The following NAA25 variants were observed in gnomAD, a reference collection of about 807,000 sequenced individuals.
NAA25 encodes N-terminal acetyltransferase B complex subunit NAA25.
In NAA25, 30 loss-of-function variants were observed where a neutral mutation model predicts 132.5. The observed-to-expected ratio is 0.23, with a 90% CI of 0.17 to 0.31. NAA25 has a LOEUF of 0.31. NAA25 is among the 10% of genes least tolerant of loss of function. NAA25 has a pLI of 1.00. For missense variants in NAA25, 771 were observed against 1,150.4 expected (o/e 0.67, Z 4.77); for synonymous variants, 359 against 401.9 (o/e 0.89, Z 1.28).
chr12:112,030,940 TA>T (rs145777382), intron 23 of NAA25, among the ~76,000 whole-genome samples: 1 of 143,868 alleles, frequency 7.0e-6, no homozygotes, highest in African/African-American at 2.8e-5. Context: ...AAACTGAATT[TA>T]AAATTTTTTT....
chr12:112,072,405 C>A (rs1401311237), intron 9 of NAA25, among the ~76,000 whole-genome samples: 2 of 150,658 alleles, frequency 1.3e-5, no homozygotes, highest in African/African-American at 2.4e-5. Context: ...GTCAGGAGTT[C>A]GAGACCAGCC....
At chr12:112,074,792 G>A (rs375703160) in intron 8 of NAA25, 28 bp from the exon 9 acceptor site, 143 of 1,418,166 alleles carry the variant, frequency 1.0e-4, no homozygotes, top group Non-Finnish European at 1.1e-4. Context: ...GATGCACACA[G>A]GATTAAACCC....
At chr12:112,085,826 T>C (rs972339915) in intron 4 of NAA25, among the ~76,000 whole-genome samples, 3 of 150,458 alleles carry the variant, frequency 2.0e-5, no homozygotes, top group Non-Finnish European at 4.4e-5. Context: ...GAGACCAGCC[T>C]GGCCAACATG....
chr12:112,043,151 G>T lies in NAA25; in HGVS notation c.2311C>A (p.Gln771Lys). 6.2e-7 allele frequency: 1 copy of T among 1,613,356 alleles called. No individual in the cohort carries two copies. The highest frequency in any genetic ancestry group is 8.5e-7 in the Non-Finnish European group (1 of 1,179,522). ...AGATAAAAAGAGCTTATCTGGCACT[G>T]AGAACAGCCAGAATTAAAGAATCCA... ...MGGFFNSGCS[Q>K]CQISSFYLVN... The change falls in exon 19 of 24, where the codon CAG becomes AAG. Residue 771 changes from glutamine to lysine, a missense_variant. By Grantham distance (53) the Gln-to-Lys change is moderately conservative (BLOSUM62 1). This residue lies in a region of NAA25 where 324 missense variants were observed against 400.0 expected (regional missense o/e 0.81). Transcript: ENST00000261745.
chr12:112,039,123 T>C (rs1251046038), intron 22 of NAA25, 106 bp downstream of exon 22: 1 of 566,236 alleles, frequency 1.8e-6, no homozygotes, highest in Non-Finnish European at 3.0e-6. Flanking sequence ...TTGGAGAAGC[T>C]TGGCATATAG....
chr12:112,062,623 G>A (rs950040300), intron 11 of NAA25, among the ~76,000 whole-genome samples: 3 of 150,320 alleles, frequency 2.0e-5, no homozygotes, highest in Admixed American at 2.0e-4. Context: ...CTACTCAGGA[G>A]GGTGAGGCAG....
chr12:112,052,959 C>T (rs2078488947), intron 15 of NAA25, among the ~76,000 whole-genome samples: 2 of 152,192 alleles, frequency 1.3e-5, no homozygotes, highest in South Asian at 2.1e-4. Flanking sequence ...ACAAAAACCT[C>T]GGCTTAACCA....
intron 21 of NAA25, 148 bp from the exon 22 acceptor site, chr12:112,039,487 GCAAT>G (rs2078272321): frequency 1.8e-6 from 1 of 553,512 alleles, no homozygotes; most frequent in Non-Finnish European, 3.2e-6. Context: ...TCTACTTTCT[GCAAT>G]CACTCTACTG....
In NAA25 at chr12:112,027,255, C is replaced by T. The variant is rs557331064; in HGVS notation, c.*2276G>A. ...CAATGGGTTATTTGGGAATTCTCTT[C>T]AAATACCAATGGCATACGATTGCTG... On this transcript the variant is annotated 3_prime_UTR_variant, in exon 24 of 24. Transcript: ENST00000261745. The T allele has an allele frequency of 1.2e-4, 18 of 152,234 alleles. No individual in the cohort carries two copies. The highest frequency in any genetic ancestry group is 2.4e-4 in the Non-Finnish European group (16 of 67,958). The allele number at this position is 152,234 out of a possible 1,614,324, so 9.4% of individuals were successfully genotyped here.
At chr12:112,108,523 A>G (rs1020365197) in intron 1 of NAA25, among the ~76,000 whole-genome samples, 193 bp downstream of exon 1, 4 of 151,636 alleles carry the variant, frequency 2.6e-5, no homozygotes, top group Non-Finnish European at 5.9e-5. Flanking sequence ...CGCCACTACC[A>G]CCCCAAGGCT....
At chr12:112,073,693 G>A (rs781062104) in intron 9 of NAA25, among the ~76,000 whole-genome samples, 2 of 151,940 alleles carry the variant, frequency 1.3e-5, no homozygotes, top group Admixed American at 1.3e-4. Context: ...TCCACCTCCC[G>A]AAGTGCTGGG....
chr12:112,044,099 T>C (rs1282092591), intron 17 of NAA25, among the ~76,000 whole-genome samples: 1 of 151,682 alleles, frequency 6.6e-6, no homozygotes, highest in African/African-American at 2.4e-5. Context: ...GGCTAATTTT[T>C]TTTTTGTATT....
rs926616855 is a variant in NAA25 at position 112,049,535 on chromosome 12, G to A, written c.1729-1092C>T. On this transcript the variant is annotated intron_variant, in intron 15 of 23. Transcript: ENST00000261745. The surrounding 1 kb of genome is among the most constrained non-coding windows in gnomAD (Gnocchi z 4.7). ...ATTTCAGGCCGCGGGATTGCGCCAC[G>A]GGCGCTAATTCAACTGCATTCGATG... 8.1e-6 allele frequency: 8 copies of A among 985,734 alleles called. No homozygotes were observed. In the Admixed American group the frequency reaches 1.8e-4, roughly 23 times the overall value. 61.1% of individuals were successfully genotyped at this position (985,734 alleles called of 1,614,324 possible). A position where few individuals can be genotyped will look rare whatever the true frequency, so the allele number is the denominator to read the frequency against.
At chr12:112,045,942 T>C (rs1323820374) in intron 17 of NAA25, among the ~76,000 whole-genome samples, 2 of 152,206 alleles carry the variant, frequency 1.3e-5, no homozygotes, top group African/African-American at 4.8e-5. Context: ...TTGGTTACAG[T>C]AATTACATTA....
intron 1 of NAA25, among the ~76,000 whole-genome samples, chr12:112,101,422 GA>G (rs1276218800): frequency 8.6e-5 from 13 of 151,876 alleles, no homozygotes; most frequent in Non-Finnish European, 1.8e-4. Context: ...TTGTATGGGG[GA>G]AAAAAGGGCA....
intron 22 of NAA25, chr12:112,037,519 A>T (rs1230012781): frequency 2.0e-5 from 3 of 148,180 alleles, no homozygotes; most frequent in Non-Finnish European, 4.5e-5. Flanking sequence ...GGGAAATAGG[A>T]TATTCATAGA....
intron 5 of NAA25, 77 bp from the exon 6 acceptor site, chr12:112,078,818 G>T: frequency 8.8e-7 from 1 of 1,136,992 alleles, no homozygotes; most frequent in Non-Finnish European, 1.3e-6. Context: ...TGTTAATTGG[G>T]CACATAATTA....
In NAA25 at chr12:112,068,864, A is replaced by G. The variant is rs750515555; in HGVS notation, c.1149+16T>C. 1 of 1,441,748 alleles carries G rather than the reference A, an allele frequency of 6.9e-7. No homozygotes were observed. Among genetic ancestry groups the G allele is most frequent in the South Asian group, 1.2e-5 (1 of 80,240 alleles). The allele number at this position is 1,441,748 out of a possible 1,614,324, so 89.3% of individuals were successfully genotyped here. ...ATAGAGGCACCCAACAAACTTCTAA[A>G]CTGTATAGTACTTACTTTTGTACAC... On this transcript the variant is annotated intron_variant, in intron 11 of 23. Coordinates refer to ENST00000261745, the MANE Select transcript of NAA25 (RefSeq NM_024953.4).
intron 7 of NAA25, among the ~76,000 whole-genome samples, chr12:112,077,974 C>G (rs761281131): frequency 5.9e-5 from 9 of 151,744 alleles, no homozygotes; most frequent in Admixed American, 1.3e-4. Flanking sequence ...GGAGTATAAC[C>G]TTTCACACTC....
Sources: allele counts gnomAD v4.1 joint callset (sites outside exome capture counted in the v4.1 genomes callset), GRCh38; gene constraint gnomAD v4.1.1; regional missense constraint gnomAD v4.1.1; non-coding constraint Gnocchi (gnomAD v3.1); transcripts MANE v1.5; gene names NCBI Gene and HGNC (gene_info 2026-07-23, HGNC 2026-07-21).